Variants in PRDM10 observed in about 807,000 individuals in gnomAD.
PRDM10 encodes the protein PR/SET domain 10, also known as PR domain zinc finger protein 10.
In PRDM10, 65 loss-of-function variants were observed where a neutral mutation model predicts 133.1. That is an observed-to-expected ratio of 0.49 (90% CI 0.40 to 0.60). The LOEUF (loss-of-function observed/expected upper bound fraction) is 0.60, where lower values mean the gene tolerates loss of function less well. Ranked by LOEUF, PRDM10 falls within the 20% of genes least tolerant of loss-of-function variation. PRDM10 has a pLI of 0.00. For missense variants in PRDM10, 1,137 were observed against 1,507.1 expected (o/e 0.75, Z 4.07); for synonymous variants, 582 against 580.4 (o/e 1.00, Z -0.04).
Position 129,942,646 on chromosome 11 carries a change from C to T in PRDM10, c.763-17G>A. On this transcript the variant is annotated splice_polypyrimidine_tract_variant and intron_variant, in intron 6 of 20. Transcript: ENST00000360871. Reference sequence around the variant, plus strand: ...AAGAGAAACCTGCACGAAAAAAAAGCCACACCAAAAACAAAACAAAACCTT... The same window carrying T: ...AAGAGAAACCTGCACGAAAAAAAAGTCACACCAAAAACAAAACAAAACCTT... The T allele has an allele frequency of 6.3e-7, 1 of 1,593,398 alleles. No homozygotes were observed. Among genetic ancestry groups the T allele is most frequent in the Non-Finnish European group, 8.6e-7 (1 of 1,168,844 alleles).
At position 129,903,984 on chromosome 11, in the gene PRDM10, G is replaced by A. The variant is rs542687045; in HGVS notation, c.3268-1468C>T. On this transcript the variant is annotated intron_variant, in intron 20 of 20. Coordinates refer to ENST00000360871, the MANE Select transcript of PRDM10 (RefSeq NM_199437.2). The stretch of plus-strand genomic sequence containing the variant: ...AGGCCAGAAAAAGGTCAAAGTCAAT[G>A]GGTCCTACAGGGAACAAAAAATGTC... Among the ~76,000 whole-genome samples, 14 of 152,142 alleles carry A rather than the reference G, an allele frequency of 9.2e-5. No homozygotes were observed. The South Asian group carries it at 2.1e-3, about 23-fold the overall frequency.
intron 7 of PRDM10, among the ~76,000 whole-genome samples, chr11:129,940,709 A>AT (rs1282684582): frequency 1.3e-5 from 2 of 152,010 alleles, no homozygotes; most frequent in African/African-American, 4.8e-5. Flanking sequence ...CTGTTTTAAA[A>AT]CTTTTTTTTA....
intron 20 of PRDM10, among the ~76,000 whole-genome samples, chr11:129,903,648 C>T (rs1949916797): frequency 1.3e-5 from 2 of 152,138 alleles, no homozygotes; most frequent in East Asian, 1.9e-4. Context: ...AGAGAGACGT[C>T]GCAGAGAGAC....
At chr11:129,955,821 C>T (rs951796538) in intron 3 of PRDM10, among the ~76,000 whole-genome samples, 2 of 152,174 alleles carry the variant, frequency 1.3e-5, no homozygotes, top group African/African-American at 2.4e-5. Flanking sequence ...CAATTTTACT[C>T]GTAAGCAAAG....
At chr11:129,983,465 TG>T (rs1255177642) in intron 1 of PRDM10, among the ~76,000 whole-genome samples, 1 of 151,992 alleles carries the variant, frequency 6.6e-6, no homozygotes, top group Admixed American at 6.6e-5. Flanking sequence ...CAGCTAATTT[TG>T]TTTTTGTATT....
At chr11:129,977,148 G>A (rs1233877899) in intron 1 of PRDM10, among the ~76,000 whole-genome samples, 1 of 151,944 alleles carries the variant, frequency 6.6e-6, no homozygotes, top group African/African-American at 2.4e-5. Flanking sequence ...TGGCCAGCCT[G>A]AGTCCCTCCA....
In PRDM10 at chr11:129,924,830, T is replaced by C. The variant is rs796772943; in HGVS notation, c.1878+52A>G. ...GTCTCGGTTTTCCAAAAATCGAAGT[T>C]TCTTTTACCAAAAGAAGGAAGCAGA... On this transcript the variant is annotated intron_variant, in intron 12 of 20. Coordinates refer to ENST00000360871, the MANE Select transcript of PRDM10 (RefSeq NM_199437.2). The C allele has an allele frequency of 3.3e-6, 5 of 1,495,314 alleles. No homozygotes were observed. In the African/African-American group the frequency reaches 7.0e-5, roughly 21 times the overall value. 92.6% of individuals were successfully genotyped at this position (1,495,314 alleles called of 1,614,324 possible). A position where few individuals can be genotyped will look rare whatever the true frequency, so the allele number is the denominator to read the frequency against.
rs1950434737 is a variant in PRDM10 at position 129,918,747 on chromosome 11, G to T, written c.2035-29C>A. 2 of 1,571,620 alleles carry T rather than the reference G, an allele frequency of 1.3e-6. No individual in the cohort carries two copies. Among genetic ancestry groups the T allele is most frequent in the Non-Finnish European group, 1.7e-6 (2 of 1,154,190 alleles). On this transcript the variant is annotated intron_variant, in intron 13 of 20. Transcript: ENST00000360871. This position sits in a 1 kb window ranked among gnomAD's most constrained non-coding sequence, Gnocchi z 5.3. ...TTTGGAGAGTATTTTTGAAAACGGG[G>T]TAGACACGGGGGTAGAAAATTTTTA...
At chr11:129,946,113 G>A (rs58083906) in intron 5 of PRDM10, among the ~76,000 whole-genome samples, 2,352 of 152,010 alleles carry the variant, frequency 0.015, 50 homozygotes, top group African/African-American at 0.054. Context: ...GCGTGGTGGT[G>A]CACATCTGTA....
At chr11:130,000,934 C>T (rs376543306) in intron 1 of PRDM10, among the ~76,000 whole-genome samples, 3 of 152,162 alleles carry the variant, frequency 2.0e-5, no homozygotes, top group African/African-American at 7.2e-5. Context: ...TGATGAAACC[C>T]CGTTTCTACA....
chr11:129,978,238 C>T (rs1937897314), intron 1 of PRDM10, among the ~76,000 whole-genome samples: 1 of 152,042 alleles, frequency 6.6e-6, no homozygotes, highest in African/African-American at 2.4e-5. Context: ...CAAGTGTGGA[C>T]AGTGAGGCAC....
chr11:129,985,685 G>A (rs1938370628), intron 1 of PRDM10, among the ~76,000 whole-genome samples: 1 of 148,612 alleles, frequency 6.7e-6, no homozygotes, highest in African/African-American at 2.5e-5. Flanking sequence ...TCAGGAGGCT[G>A]AGGTAGGAGG....
At chr11:130,002,224 C>G (rs1939451613) in intron 1 of PRDM10, among the ~76,000 whole-genome samples, 1 of 148,662 alleles carries the variant, frequency 6.7e-6, no homozygotes, top group Non-Finnish European at 1.5e-5. Flanking sequence ...GCAACCGCCG[C>G]CGCCGGAGCG....
At chr11:129,986,820 C>G (rs1261264959) in intron 1 of PRDM10, among the ~76,000 whole-genome samples, 1 of 152,186 alleles carries the variant, frequency 6.6e-6, no homozygotes, top group African/African-American at 2.4e-5. Flanking sequence ...AACATGGTTA[C>G]AGCAGGACCA....
chr11:129,932,197 G>A lies in PRDM10; in HGVS notation c.1192C>T (p.Arg398Ter). The change falls in exon 10 of 21, where the codon CGA (arginine) becomes TGA (stop). Residue 398 changes from arginine (R) to a stop codon, truncating the protein, a stop_gained. Coordinates refer to ENST00000360871, the MANE Select transcript of PRDM10 (RefSeq NM_199437.2). LOFTEE classifies it high-confidence loss of function. ...CCCGGCCGTCGACCTGGACCGAATCGCCTCTTGCCTCGTCCCCTTCCTCTG... is the reference window on the plus strand; with the variant it reads ...CCCGGCCGTCGACCTGGACCGAATCACCTCTTGCCTCGTCCCCTTCCTCTG... The part of the protein sequence containing the change: ...RGRGRGRGKR[R>*]FGPGRRPGRP... 6.2e-7 allele frequency: 1 copy of A among 1,614,050 alleles called. No homozygotes were observed. The highest frequency in any genetic ancestry group is 8.5e-7 in the Non-Finnish European group (1 of 1,179,978).
intron 10 of PRDM10, 124 bp from the exon 11 acceptor site, chr11:129,931,382 G>T (rs1950852778): frequency 7.5e-7 from 1 of 1,330,570 alleles, no homozygotes; most frequent in Non-Finnish European, 1.0e-6. Context: ...TCTCCCTCTG[G>T]GAAAGTTAAT....
intron 7 of PRDM10, among the ~76,000 whole-genome samples, chr11:129,939,238 C>T (rs1283098256): frequency 6.6e-6 from 1 of 152,160 alleles, no homozygotes; most frequent in Non-Finnish European, 1.5e-5. Context: ...TCTATGTTTT[C>T]TAGGGTCTCA....
intron 11 of PRDM10, chr11:129,929,321 C>T: frequency 7.7e-7 from 1 of 1,300,400 alleles, no homozygotes; most frequent in Admixed American, 3.0e-5. Flanking sequence ...GTGGTTTCCA[C>T]CAGGATTTAG....
chr11:129,933,036 A>G (rs1445825915), intron 9 of PRDM10, among the ~76,000 whole-genome samples: 4 of 152,386 alleles, frequency 2.6e-5, no homozygotes, highest in African/African-American at 9.6e-5. Flanking sequence ...CGGGGATTAC[A>G]GGCATGAGCC....
Sources: gnomAD v4.1 joint callset for allele counts (sites outside exome capture counted in the v4.1 genomes callset) on GRCh38, gnomAD v4.1.1 for gene constraint, Gnocchi (gnomAD v3.1) non-coding constraint, MANE v1.5 for transcripts, NCBI Gene and HGNC (gene_info 2026-07-23, HGNC 2026-07-21) for gene names.